The following ZNF385B variants were observed in gnomAD, a reference collection of about 807,000 sequenced individuals.
ZNF385B encodes the protein zinc finger protein 385B.
A neutral mutation model predicts 39.2 loss-of-function variants in ZNF385B; 23 were observed. The ratio of observed to expected loss-of-function variants is 0.59; its 90% CI spans 0.42 to 0.83. The LOEUF (loss-of-function observed/expected upper bound fraction) is 0.83, where lower values mean the gene tolerates loss of function less well. Ranked by LOEUF, ZNF385B falls within the 40% of genes least tolerant of loss-of-function variation. The pLI is 0.00. For synonymous variants in ZNF385B, 205 were observed against 222.6 expected (o/e 0.92, Z 0.70); for missense variants, 552 against 598.9 (o/e 0.92, Z 0.82).
At chr2:179,603,603 A>G (rs1465761900) in intron 3 of ZNF385B, among the ~76,000 whole-genome samples, 2 of 149,638 alleles carry the variant, frequency 1.3e-5, no homozygotes, top group African/African-American at 4.9e-5. Context: ...TCTTTATAGT[A>G]TTCAGAGTGC....
At chr2:179,628,636 T>G (rs1351750709) in intron 3 of ZNF385B, among the ~76,000 whole-genome samples, 2 of 152,216 alleles carry the variant, frequency 1.3e-5, no homozygotes, top group East Asian at 3.8e-4. Flanking sequence ...TCCTAATTCA[T>G]CTTATAAAAA....
chr2:179,638,036 C>T (rs72967298), intron 3 of ZNF385B, among the ~76,000 whole-genome samples: 9,676 of 152,188 alleles, frequency 0.064, 402 homozygotes, highest in Non-Finnish European at 0.088. Context: ...ATATTCAAAA[C>T]AGATTAAATC....
At chr2:179,720,413 GA>G (rs1389592164) in intron 3 of ZNF385B, among the ~76,000 whole-genome samples, 1 of 138,092 alleles carries the variant, frequency 7.2e-6, no homozygotes, top group Non-Finnish European at 1.6e-5. Flanking sequence ...GGGAGGGGAG[GA>G]GGGGAGGGGA....
chr2:179,521,015 C>T (rs1559394512), intron 4 of ZNF385B, among the ~76,000 whole-genome samples: 1 of 152,014 alleles, frequency 6.6e-6, no homozygotes, highest in Non-Finnish European at 1.5e-5. Context: ...CATAGAAAGA[C>T]AAAAGATACA....
Position 179,782,838 on chromosome 2 carries a change from C to T in ZNF385B, c.-154-12166G>A, listed in dbSNP as rs1704751260. Among the ~76,000 whole-genome samples, 3 of 152,046 alleles carry T rather than the reference C, an allele frequency of 2.0e-5. No individual in the cohort carries two copies. The South Asian group carries it at 6.2e-4, about 32-fold the overall frequency. On this transcript the variant is annotated intron_variant, in intron 1 of 9. Coordinates refer to ENST00000410066, the MANE Select transcript of ZNF385B (RefSeq NM_152520.6). The stretch of plus-strand genomic sequence containing the variant: ...CTGCTCAAAGAAATGAGAGAAGAAA[C>T]AAATTAATGGAAAAACATCCCATGC...
At chr2:179,450,673 AT>A (rs1168508026) in intron 6 of ZNF385B, among the ~76,000 whole-genome samples, 1 of 152,066 alleles carries the variant, frequency 6.6e-6, no homozygotes, top group Admixed American at 6.5e-5. Flanking sequence ...TAGTTCAACC[AT>A]TGTGGAAGTC....
intron 3 of ZNF385B, among the ~76,000 whole-genome samples, chr2:179,625,532 G>A: frequency 6.6e-6 from 1 of 151,964 alleles, no homozygotes; most frequent in East Asian, 1.9e-4. Context: ...ATAAACAGAT[G>A]AATAAAGGTG....
intron 6 of ZNF385B, among the ~76,000 whole-genome samples, chr2:179,481,973 A>G (rs1035584151): frequency 6.6e-6 from 1 of 152,212 alleles, no homozygotes; most frequent in Admixed American, 6.6e-5. Context: ...TTCTTTACAG[A>G]GGGAGACATA....
At chr2:179,448,902 G>A (rs1031691790) in intron 6 of ZNF385B, among the ~76,000 whole-genome samples, 9 of 152,062 alleles carry the variant, frequency 5.9e-5, no homozygotes, top group South Asian at 2.1e-4. Flanking sequence ...TTTATTTGGC[G>A]TAAGTGAAAA....
At chr2:179,621,012 TGAATTGAAA>T (rs1327235994) in intron 3 of ZNF385B, among the ~76,000 whole-genome samples, 1 of 152,144 alleles carries the variant, frequency 6.6e-6, no homozygotes, top group African/African-American at 2.4e-5. Flanking sequence ...GTGTGTTTGC[TGAATTGAAA>T]GAGTCTATAA....
intron 3 of ZNF385B, among the ~76,000 whole-genome samples, chr2:179,584,664 C>G (rs905446198): frequency 1.3e-5 from 2 of 152,002 alleles, no homozygotes; most frequent in African/African-American, 4.8e-5. Context: ...ATATGCCTAC[C>G]GAGGAATGCA....
chr2:179,514,301 G>C (rs567408731), intron 5 of ZNF385B: 1 of 152,376 alleles, frequency 6.6e-6, no homozygotes, highest in Admixed American at 6.5e-5. Flanking sequence ...CACTCTGACT[G>C]CCTATTCTGC....
intron 1 of ZNF385B, among the ~76,000 whole-genome samples, chr2:179,798,142 C>A (rs1575510422): frequency 6.6e-6 from 1 of 151,966 alleles, no homozygotes; most frequent in Admixed American, 6.6e-5. Flanking sequence ...CGATCTATTA[C>A]TGATATTATT....
chr2:179,521,169 TTTTTTTGTTTTTG>T (rs1197300294), intron 4 of ZNF385B, among the ~76,000 whole-genome samples: 3 of 86,376 alleles, frequency 3.5e-5, no homozygotes, highest in African/African-American at 8.2e-5. Context: ...CTAATACAGT[TTTTTTTGTTTTTG>T]TTTTTGTTTT....
intron 3 of ZNF385B, among the ~76,000 whole-genome samples, chr2:179,676,558 A>C (rs1696850995): frequency 6.6e-6 from 1 of 152,174 alleles, no homozygotes; most frequent in Admixed American, 6.5e-5. Context: ...GAGTTCTGAA[A>C]AGATCATTCT....
intron 5 of ZNF385B, among the ~76,000 whole-genome samples, chr2:179,497,799 C>T (rs2056381366): frequency 6.6e-6 from 1 of 152,030 alleles, no homozygotes; most frequent in Non-Finnish European, 1.5e-5. Flanking sequence ...AAACAAAACC[C>T]ATTGATCTGC....
chr2:179,732,143 T>C (rs1475507554), intron 3 of ZNF385B, among the ~76,000 whole-genome samples: 1 of 152,234 alleles, frequency 6.6e-6, no homozygotes, highest in African/African-American at 2.4e-5. Context: ...TATCTTTTCC[T>C]GCTCTGTTTT....
intron 3 of ZNF385B, among the ~76,000 whole-genome samples, chr2:179,666,599 C>T (rs1031779564): frequency 5.3e-5 from 8 of 152,042 alleles, no homozygotes; most frequent in African/African-American, 1.9e-4. Context: ...CCAAAACCAT[C>T]TCATTTTATT....
intron 4 of ZNF385B, among the ~76,000 whole-genome samples, chr2:179,526,008 A>G (rs2058861980): frequency 6.7e-6 from 1 of 148,268 alleles, no homozygotes; most frequent in East Asian, 2.0e-4. Context: ...ATGATTGCAT[A>G]TTGTTGGCAA....
Sources: gnomAD v4.1 joint callset for allele counts (sites outside exome capture counted in the v4.1 genomes callset) on GRCh38, gnomAD v4.1.1 for gene constraint, MANE v1.5 for transcripts, NCBI Gene and HGNC (gene_info 2026-07-23, HGNC 2026-07-21) for gene names.